The following FHDC1 variants were observed in gnomAD, a reference collection of about 807,000 sequenced individuals.
The protein encoded by FHDC1 is FH2 domain-containing protein 1.
Under a neutral mutation model 52.6 loss-of-function variants are expected in FHDC1, and 25 were observed. The ratio of observed to expected loss-of-function variants is 0.48; its 90% CI spans 0.35 to 0.66. The LOEUF is 0.66. Among genes scored for constraint, FHDC1 ranks in the 30% least tolerant of loss-of-function variants. FHDC1 has a pLI of 0.01. For missense variants in FHDC1, 1,459 were observed against 1,452.8 expected, an observed-to-expected ratio of 1.00 and a Z score of -0.07; for synonymous variants, 616 against 581.5, an observed-to-expected ratio of 1.06 and a Z score of -0.85.
At chr4:152,939,476 G>A (rs552493296) in intron 1 of FHDC1, among the ~76,000 whole-genome samples, 9 of 152,206 alleles carry the variant, frequency 5.9e-5, no homozygotes, top group African/African-American at 9.6e-5. Context: ...CAAGGAAAAA[G>A]TACAGCGGGC....
intron 6 of FHDC1, among the ~76,000 whole-genome samples, chr4:152,962,143 T>G (rs1740297546): frequency 6.6e-6 from 1 of 152,224 alleles, no homozygotes; most frequent in African/African-American, 2.4e-5. Flanking sequence ...AAATTTTGTT[T>G]CTTTGCATGG....
At chr4:152,923,332 C>T in the FHDC1 span, among the ~76,000 whole-genome samples, 346 of 152,292 alleles carry the variant, frequency 2.3e-3, 2 homozygotes, top group African/African-American at 8.0e-3. Context: ...AGGAGAACTA[C>T]AAACCACTGC....
chr4:152,953,996 T>A (rs1740003684), intron 3 of FHDC1, among the ~76,000 whole-genome samples: 1 of 152,230 alleles, frequency 6.6e-6, no homozygotes, highest in African/African-American at 2.4e-5. Flanking sequence ...CTTTTTGGGA[T>A]GCCCAAGGAT....
At chr4:152,939,254 GTGTT>G (rs1286445379) in intron 1 of FHDC1, among the ~76,000 whole-genome samples, 2 of 151,572 alleles carry the variant, frequency 1.3e-5, no homozygotes, top group Non-Finnish European at 2.9e-5. Context: ...CTGTGTGTGT[GTGTT>G]TGAGTGTGTG....
intron 2 of FHDC1, among the ~76,000 whole-genome samples, chr4:152,950,980 C>T (rs1036605920): frequency 1.3e-5 from 2 of 152,284 alleles, no homozygotes; most frequent in African/African-American, 4.8e-5. Flanking sequence ...GTAATTTTCT[C>T]CTTCACTTTT....
At chr4:152,913,869 CAG>C in the FHDC1 span, among the ~76,000 whole-genome samples, 2 of 141,260 alleles carry the variant, frequency 1.4e-5, no homozygotes, top group Non-Finnish European at 3.1e-5. Context: ...TAGTTAGAGA[CAG>C]AGTTTCTCCA....
chr4:152,955,233 A>C (rs1029779000), intron 4 of FHDC1, among the ~76,000 whole-genome samples: 2 of 152,214 alleles, frequency 1.3e-5, no homozygotes, highest in East Asian at 1.9e-4. Context: ...ATAGTAATAC[A>C]TACTACCATG....
intron 4 of FHDC1, among the ~76,000 whole-genome samples, chr4:152,955,192 C>T (rs1740047489): frequency 6.6e-6 from 1 of 152,016 alleles, no homozygotes. Flanking sequence ...ATCTTGTCTA[C>T]ATAATTAACT....
the FHDC1 span, among the ~76,000 whole-genome samples, chr4:152,918,838 A>G: frequency 2.0e-5 from 3 of 152,240 alleles, no homozygotes; most frequent in African/African-American, 4.8e-5. Flanking sequence ...CACTGGTACT[A>G]TCAAGTAGAT....
intron 10 of FHDC1, among the ~76,000 whole-genome samples, chr4:152,971,007 A>G (rs1316780178): frequency 6.6e-6 from 1 of 152,198 alleles, no homozygotes; most frequent in African/African-American, 2.4e-5. Flanking sequence ...AACATGATAC[A>G]TGTGATTTCA....
chr4:152,976,076 C>T lies in FHDC1; in HGVS notation c.2785C>T (p.Gln929Ter). 6.2e-7 allele frequency: 1 copy of T among 1,603,330 alleles called. No homozygotes were observed. Among genetic ancestry groups the T allele is most frequent in the Non-Finnish European group, 8.5e-7 (1 of 1,175,438 alleles). ...AGAGCTGTCATCCCGGGGGCCCTCC[C>T]AGAATCCCCCCAGCAGCACAGATAC... is the stretch of plus-strand genomic sequence containing the variant. ...RPELSSRGPS[Q>*]NPPSSTDTVW... is the part of the protein sequence containing the mutation. Residue 929 changes from glutamine (Q) to a stop codon, truncating the protein, a stop_gained, in exon 12 of 12, where the codon CAG (glutamine) becomes TAG (stop). Transcript: ENST00000511601. LOFTEE classifies it low-confidence loss of function (END_TRUNC).
chr4:152,938,622 C>A (rs1193397077), intron 1 of FHDC1, among the ~76,000 whole-genome samples: 1 of 152,224 alleles, frequency 6.6e-6, no homozygotes, highest in East Asian at 1.9e-4. Flanking sequence ...TTCTCTACCT[C>A]TGCTCTCCAA....
intron 8 of FHDC1, among the ~76,000 whole-genome samples, chr4:152,963,823 C>CA (rs1257102911): frequency 9.7e-6 from 1 of 102,730 alleles, no homozygotes; most frequent in Admixed American, 1.5e-4. Context: ...TCTATAACAC[C>CA]AAAAAAGTGA....
At chr4:152,924,079 A>C in the FHDC1 span, among the ~76,000 whole-genome samples, 3 of 150,940 alleles carry the variant, frequency 2.0e-5, no homozygotes, top group Non-Finnish European at 3.0e-5. Context: ...CAACCTACAA[A>C]ATGGGAGAAA....
the FHDC1 span, among the ~76,000 whole-genome samples, chr4:152,922,200 A>G: frequency 6.6e-6 from 1 of 152,220 alleles, no homozygotes; most frequent in Non-Finnish European, 1.5e-5. Flanking sequence ...ACAGAAATGC[A>G]AACTACCATC....
At chr4:152,955,105 A>T (rs555306692) in intron 4 of FHDC1, among the ~76,000 whole-genome samples, 96 of 150,794 alleles carry the variant, frequency 6.4e-4, no homozygotes, top group African/African-American at 9.0e-4. Context: ...TACTTTTTTT[A>T]AAAAAAAAGA....
In FHDC1 at chr4:152,975,116, G is replaced by A; in HGVS notation, c.1825G>A (p.Glu609Lys). ...AHKPQASGGQEEAPNPPSAQA... is the reference protein window; with the variant it reads ...AHKPQASGGQKEAPNPPSAQA... ...CAAACCTCAGGCCTCGGGGGGCCAG[G>A]AGGAGGCCCCCAACCCACCCTCAGC... The change falls in exon 12 of 12, where the codon GAG becomes AAG. Residue 609 changes from glutamate to lysine, a missense_variant. Physicochemically the swap from Glu to Lys is moderately conservative, Grantham distance 56. Transcript: ENST00000511601. The A allele has an allele frequency of 1.2e-6, 2 of 1,612,700 alleles. No individual in the cohort carries two copies. The highest frequency in any genetic ancestry group is 1.7e-6 in the Non-Finnish European group (2 of 1,179,988).
intron 10 of FHDC1, among the ~76,000 whole-genome samples, chr4:152,971,725 G>A (rs1740643505): frequency 6.6e-6 from 1 of 152,210 alleles, no homozygotes; most frequent in African/African-American, 2.4e-5. Flanking sequence ...CTGGGGTGGT[G>A]CTTTCAGAAA....
chr4:152,943,455 C>T lies in FHDC1; in HGVS notation c.398C>T (p.Thr133Ile), dbSNP rs1426091409. The T allele has an allele frequency of 6.2e-7, 1 of 1,614,088 alleles. No homozygotes were observed. The highest frequency in any genetic ancestry group is 8.5e-7 in the Non-Finnish European group (1 of 1,180,020). ...CATCACTACCAAATTGATACAAAGA[C>T]CATTGAGGAGCTCTTTGGGCAGCAG... ...QEHHYQIDTK[T>I]IEELFGQQED... is the part of the protein sequence containing the mutation. The change falls in exon 2 of 12, where the codon ACC (threonine) becomes ATC (isoleucine). Residue 133 changes from threonine to isoleucine, a missense_variant. Coordinates refer to ENST00000511601, the MANE Select transcript of FHDC1 (RefSeq NM_001371116.1).
Sources: allele counts gnomAD v4.1 joint callset (sites outside exome capture counted in the v4.1 genomes callset), GRCh38; gene constraint gnomAD v4.1.1; transcripts MANE v1.5; gene names NCBI Gene and HGNC (gene_info 2026-07-23, HGNC 2026-07-21).